Variants in CDK8 observed in about 807,000 individuals in gnomAD.
The protein encoded by CDK8 is cyclin-dependent kinase 8.
A neutral mutation model predicts 71.5 loss-of-function variants in CDK8; 29 were observed. The ratio of observed to expected loss-of-function variants is 0.41; its 90% CI spans 0.30 to 0.55. The LOEUF is 0.55. Ranked by LOEUF, CDK8 falls within the 20% of genes least tolerant of loss-of-function variation. The pLI is 0.37. For missense variants in CDK8, 288 were observed against 572.6 expected, an observed-to-expected ratio of 0.50 and a Z score of 5.07; for synonymous variants, 161 against 192.1, an observed-to-expected ratio of 0.84 and a Z score of 1.34.
chr13:26,297,586 G>A (rs1873618274), intron 1 of CDK8, among the ~76,000 whole-genome samples: 2 of 152,062 alleles, frequency 1.3e-5, no homozygotes, highest in Admixed American at 1.3e-4. Context: ...AGTATAAGGA[G>A]TCTTACTGCC....
intron 1 of CDK8, among the ~76,000 whole-genome samples, chr13:26,336,646 T>C (rs955601713): frequency 3.4e-5 from 5 of 147,884 alleles, no homozygotes; most frequent in South Asian, 2.2e-4. Context: ...CTCCACCTCC[T>C]GGGTTCACGC....
At chr13:26,303,387 G>A (rs984733920) in intron 1 of CDK8, among the ~76,000 whole-genome samples, 1 of 151,618 alleles carries the variant, frequency 6.6e-6, no homozygotes, top group African/African-American at 2.4e-5. Context: ...TGCAACCTCC[G>A]CCTCCTGGGT....
intron 3 of CDK8, among the ~76,000 whole-genome samples, chr13:26,352,302 G>A (rs550337162): frequency 3.3e-5 from 5 of 152,066 alleles, no homozygotes; most frequent in South Asian, 2.1e-4. Context: ...TGCAAGCTCC[G>A]CCTTCCAGGT....
At chr13:26,290,844 C>T (rs1349862947) in intron 1 of CDK8, among the ~76,000 whole-genome samples, 3 of 152,050 alleles carry the variant, frequency 2.0e-5, no homozygotes, top group Non-Finnish European at 2.9e-5. Flanking sequence ...GGGCCAGGCG[C>T]GGTGGCTCAC....
At chr13:26,369,959 C>A (rs1331348229) in intron 4 of CDK8, among the ~76,000 whole-genome samples, 1 of 152,002 alleles carries the variant, frequency 6.6e-6, no homozygotes, top group Non-Finnish European at 1.5e-5. Context: ...AAATAAAGTA[C>A]AAATTACCAC....
chr13:26,402,615 G>A (rs1876317466), intron 12 of CDK8, among the ~76,000 whole-genome samples: 1 of 152,232 alleles, frequency 6.6e-6, no homozygotes, highest in Non-Finnish European at 1.5e-5. Context: ...ACTGTTGTGT[G>A]AGTAGTAATT....
chr13:26,392,063 T>C (rs1394077405), intron 6 of CDK8, among the ~76,000 whole-genome samples: 1 of 152,196 alleles, frequency 6.6e-6, no homozygotes, highest in Non-Finnish European at 1.5e-5. Context: ...GTTAAGTCAG[T>C]CAAAAACCAT....
chr13:26,369,713 T>C (rs113045163), intron 4 of CDK8, among the ~76,000 whole-genome samples: 36 of 139,926 alleles, frequency 2.6e-4, no homozygotes, highest in African/African-American at 7.3e-4. Context: ...TTCTTTCTTT[T>C]TTTTTTTTTT....
intron 1 of CDK8, among the ~76,000 whole-genome samples, chr13:26,255,291 A>G (rs9578982): frequency 0.022 from 3,405 of 152,256 alleles, 128 homozygotes; most frequent in African/African-American, 0.078. Context: ...AGAGTTCCCC[A>G]TAGTGATCAT....
At chr13:26,294,258 G>C (rs1227849672) in intron 1 of CDK8, among the ~76,000 whole-genome samples, 3 of 151,904 alleles carry the variant, frequency 2.0e-5, no homozygotes. Context: ...AGCCTCCTCA[G>C]TAGTTGGGAT....
intron 12 of CDK8, 148 bp from the exon 13 acceptor site, chr13:26,403,808 G>A (rs2138079221): frequency 8.8e-6 from 8 of 907,680 alleles, no homozygotes; most frequent in South Asian, 8.1e-5. Context: ...AATATTTGGG[G>A]TTTTTGTCTT....
intron 4 of CDK8, among the ~76,000 whole-genome samples, chr13:26,362,266 G>GGATGGATA (rs1555232732): frequency 3.0e-5 from 4 of 131,800 alleles, no homozygotes; most frequent in Middle Eastern, 3.6e-3. Flanking sequence ...ATGGATGGAT[G>GGATGGATA]GATAGATAGA....
chr13:26,274,711 G>A (rs1438394300), intron 1 of CDK8, among the ~76,000 whole-genome samples: 1 of 152,094 alleles, frequency 6.6e-6, no homozygotes, highest in Admixed American at 6.5e-5. Context: ...GATTACAAGT[G>A]TGAGCCACCG....
intron 10 of CDK8, among the ~76,000 whole-genome samples, chr13:26,400,852 A>T (rs1475390940): frequency 2.6e-5 from 4 of 152,054 alleles, no homozygotes; most frequent in Admixed American, 2.6e-4. Context: ...TTACAGTTTC[A>T]TGTTCCAAAA....
chr13:26,359,724 CT>C (rs751686798), intron 4 of CDK8: 88 of 433,304 alleles, frequency 2.0e-4, no homozygotes, highest in East Asian at 3.9e-4. Flanking sequence ...TTCTTCTTTT[CT>C]TTTTTTTGAG....
rs1417751778 is a variant in CDK8 at position 26,401,522 on chromosome 13, G to C, written c.1167G>C (p.Gly389=). 6.2e-7 allele frequency: 1 copy of C among 1,614,158 alleles called. No homozygotes were observed. Among genetic ancestry groups the C allele is most frequent in the Admixed American group, 1.7e-5 (1 of 60,018 alleles). The change falls in exon 12 of 13, where the codon GGG becomes GGC. Residue 389 remains glycine (G), a synonymous_variant. Transcript: ENST00000381527. This position sits in a 1 kb window ranked among gnomAD's most constrained non-coding sequence, Gnocchi z 4.5. The part of the protein sequence containing the change: ...NNHTNGTGHP[G]NQDSSHTQGP... ...ACACTAATGGAACTGGCCACCCAGG[G>C]AATCAAGACAGCAGTCACACACAGG...
intron 1 of CDK8, among the ~76,000 whole-genome samples, chr13:26,315,196 A>T (rs539010711): frequency 1.3e-5 from 2 of 152,320 alleles, no homozygotes; most frequent in South Asian, 4.1e-4. Context: ...TACACAATTC[A>T]AATTTTTCAC....
At chr13:26,262,453 A>G (rs1358307862) in intron 1 of CDK8, among the ~76,000 whole-genome samples, 1 of 152,232 alleles carries the variant, frequency 6.6e-6, no homozygotes, top group Admixed American at 6.5e-5. Flanking sequence ...TGCTAACATT[A>G]AAAGCTTGAG....
At chr13:26,345,079 A>G (rs1300340051) in intron 2 of CDK8, among the ~76,000 whole-genome samples, 1 of 152,200 alleles carries the variant, frequency 6.6e-6, no homozygotes, top group Non-Finnish European at 1.5e-5. Context: ...CTACAATATT[A>G]TGAAGGTTGT....
Sources: allele counts gnomAD v4.1 joint callset (sites outside exome capture counted in the v4.1 genomes callset), GRCh38; gene constraint gnomAD v4.1.1; non-coding constraint Gnocchi (gnomAD v3.1); transcripts MANE v1.5; gene names NCBI Gene and HGNC (gene_info 2026-07-23, HGNC 2026-07-21).